Variants in DEF8 observed in about 807,000 individuals in gnomAD.
The protein encoded by DEF8 is DEF-8.
DEF8 carries 38 observed loss-of-function variants against 59.1 expected under a neutral mutation model. The ratio of observed to expected loss-of-function variants is 0.64; its 90% confidence interval spans 0.50 to 0.84. DEF8 has a LOEUF of 0.84. Among genes scored for constraint, DEF8 ranks in the 40% least tolerant of loss-of-function variants. The pLI is 0.00. For synonymous variants in DEF8, 265 were observed against 250.1 expected, an observed-to-expected ratio of 1.06 and a Z score of -0.56; for missense variants, 557 against 615.2, an observed-to-expected ratio of 0.91 and a Z score of 1.00.
intron 6 of DEF8, 106 bp from the exon 7 acceptor site, chr16:89,960,825 G>A (rs2033932517): frequency 1.7e-5 from 20 of 1,178,270 alleles, no homozygotes; most frequent in Non-Finnish European, 2.3e-5. Flanking sequence ...AGATTGATCT[G>A]GGCCTCAGAG....
chr16:89,964,022 G>T, intron 10 of DEF8, 148 bp from the exon 11 acceptor site: 1 of 1,077,466 alleles, frequency 9.3e-7, no homozygotes, highest in Non-Finnish European at 1.4e-6. Flanking sequence ...GGCTTCCTGG[G>T]GCTCCTGGAT....
At chr16:89,965,629 A>G (rs1008078359) in intron 12 of DEF8, among the ~76,000 whole-genome samples, 1 of 151,908 alleles carries the variant, frequency 6.6e-6, no homozygotes, top group Admixed American at 6.6e-5. Context: ...GTGAACTGGG[A>G]CCTGTGTGGT....
intron 6 of DEF8, 21 bp from the exon 7 acceptor site, chr16:89,960,909 AG>A: frequency 6.2e-7 from 1 of 1,604,170 alleles, no homozygotes; most frequent in South Asian, 1.1e-5. Flanking sequence ...GCTTTTGAGA[AG>A]TGTGTGTCCC....
At chr16:89,950,112 G>A (rs1457877930) in intron 2 of DEF8, 4 of 988,240 alleles carry the variant, frequency 4.0e-6, no homozygotes, top group East Asian at 2.3e-4. Context: ...TGGGCAGAAC[G>A]GAGGTGTCCC....
chr16:89,960,898 C>T (rs774011275), intron 6 of DEF8, 33 bp from the exon 7 acceptor site: 37 of 1,600,388 alleles, frequency 2.3e-5, no homozygotes, highest in African/African-American at 2.0e-4. Context: ...GCACCCTTCC[C>T]GCTTTTGAGA....
rs779883465 is a variant in DEF8, at chr16:89,954,215, A to C, written c.-10-28A>C. On this transcript the variant is annotated intron_variant, in intron 2 of 12. Transcript: ENST00000563594. The surrounding 1 kb of genome is among the most constrained non-coding windows in gnomAD (Gnocchi z 4.3). ...TCCGTGGTGAGCCTGGTACCTGGGG[A>C]CTCATCCTGGCCCTGCCTGGCCCTC... 1 of 1,606,474 alleles carries C rather than the reference A, an allele frequency of 6.2e-7. No individual in the cohort carries two copies. Among genetic ancestry groups the C allele is most frequent in the East Asian group, 2.2e-5 (1 of 44,848 alleles).
chr16:89,965,011 G>A (rs11645183), intron 12 of DEF8, among the ~76,000 whole-genome samples: 7,496 of 152,246 alleles, frequency 0.049, 324 homozygotes, highest in East Asian at 0.24. Context: ...TTCTAAGCCA[G>A]AAGAAATTCC....
At chr16:89,951,464 C>T (rs1204634965) in intron 2 of DEF8, among the ~76,000 whole-genome samples, 9 of 152,094 alleles carry the variant, frequency 5.9e-5, no homozygotes, top group African/African-American at 1.2e-4. Context: ...AGGCTGGTCT[C>T]GAACTGCTCA....
rs965628827 is a variant in DEF8 at position 89,949,267 on chromosome 16, C to A, written c.-107-150C>A. The A allele has an allele frequency of 6.2e-6, 4 of 642,246 alleles. No individual in the cohort carries two copies. The East Asian group carries it at 1.3e-4, about 21-fold the overall frequency. 39.8% of individuals were successfully genotyped at this position (642,246 alleles called of 1,614,324 possible). A position where few individuals can be genotyped will look rare whatever the true frequency, so the allele number is the denominator to read the frequency against. ...CTCAGGGGACCCGCGTGGCCGTGCC[C>A]CCGCCCTGGGCTGCTCCGAGCCTCA... On this transcript the variant is annotated intron_variant, in intron 1 of 12. Transcript: ENST00000563594.
chr16:89,952,267 G>C (rs959323521), intron 2 of DEF8, among the ~76,000 whole-genome samples: 3 of 152,186 alleles, frequency 2.0e-5, no homozygotes, highest in African/African-American at 7.2e-5. Context: ...CAGAGTGCTG[G>C]GATTATAGGT....
intron 10 of DEF8, chr16:89,963,892 G>A (rs759530167): frequency 2.4e-5 from 13 of 549,990 alleles, no homozygotes; most frequent in African/African-American, 3.8e-5. Flanking sequence ...GAAGGGTGGG[G>A]AATGTGGGAA....
chr16:89,949,219 C>A (rs2031464269), intron 1 of DEF8, among the ~76,000 whole-genome samples, 198 bp from the exon 2 acceptor site: 1 of 151,776 alleles, frequency 6.6e-6, no homozygotes. Context: ...TCCACACCAG[C>A]TGCGTGCGGA....
intron 9 of DEF8, 51 bp from the exon 10 acceptor site, chr16:89,963,312 C>A: frequency 6.5e-7 from 1 of 1,548,160 alleles, no homozygotes; most frequent in Non-Finnish European, 8.9e-7. Context: ...CACACAGGGG[C>A]CGCCCTGTGT....
intron 12 of DEF8, among the ~76,000 whole-genome samples, chr16:89,965,335 C>T (rs906849676): frequency 6.6e-6 from 1 of 152,186 alleles, no homozygotes; most frequent in African/African-American, 2.4e-5. Flanking sequence ...TTTTTCATAG[C>T]AACTGCTGAA....
At chr16:89,963,487 A>C (rs1162978131) in intron 10 of DEF8, 44 bp downstream of exon 10, 1 of 1,559,518 alleles carries the variant, frequency 6.4e-7, no homozygotes, top group Non-Finnish European at 8.8e-7. Context: ...AAGCGCAGCC[A>C]GGGTGGTGAG....
chr16:89,966,554 C>T lies in DEF8; in HGVS notation c.*591C>T, dbSNP rs2034615927. ...CTGTTCACAGTTGTCACCTGCAGAC[C>T]TGCCTCTCCCTGGCCTGAGGTTCAA... On this transcript the variant is annotated 3_prime_UTR_variant, in exon 13 of 13. Coordinates refer to ENST00000563594, the MANE Select transcript of DEF8 (RefSeq NM_001242818.2). 6.5e-6 allele frequency: 1 copy of T among 153,302 alleles called. No homozygotes were observed. Among genetic ancestry groups the T allele is most frequent in the African/African-American group, 2.4e-5 (1 of 41,472 alleles). The allele number at this position is 153,302 out of a possible 1,614,324, so 9.5% of individuals were successfully genotyped here.
In DEF8 at chr16:89,957,558, G is replaced by C. The variant is rs2033416500; in HGVS notation, c.270G>C (p.Glu90Asp). The change falls in exon 5 of 13, where the codon GAG (glutamate) becomes GAC (aspartate). Residue 90 changes from glutamate (E) to aspartate (D), a missense_variant. By Grantham distance (45) the Glu-to-Asp change is conservative. Transcript: ENST00000563594. ...TCCAGCAGCTGCGGCAGGCGATCGA[G>C]GAGTGCAAGCAGGTGATTCTGGAGC... ...SDVQQLRQAIEECKQVILELP... is the reference protein window; with the variant it reads ...SDVQQLRQAIDECKQVILELP... 1 of 1,593,054 alleles carries C rather than the reference G, an allele frequency of 6.3e-7. No homozygotes were observed. Among genetic ancestry groups the C allele is most frequent in the African/African-American group, 1.3e-5 (1 of 74,540 alleles).
intron 2 of DEF8, among the ~76,000 whole-genome samples, chr16:89,953,095 G>C (rs2032495753): frequency 6.6e-6 from 1 of 152,198 alleles, no homozygotes; most frequent in African/African-American, 2.4e-5. Flanking sequence ...AGCAGGTGTA[G>C]TGAAAGCATA....
intron 4 of DEF8, 94 bp downstream of exon 4, chr16:89,955,360 G>A: frequency 5.7e-6 from 6 of 1,056,422 alleles, no homozygotes; most frequent in Non-Finnish European, 8.7e-6. Flanking sequence ...CAGGTGGCAG[G>A]GCAGTGTCCT....
Sources: gnomAD v4.1 joint callset for allele counts (sites outside exome capture counted in the v4.1 genomes callset) on GRCh38, gnomAD v4.1.1 for gene constraint, Gnocchi (gnomAD v3.1) non-coding constraint, MANE v1.5 for transcripts, NCBI Gene and HGNC (gene_info 2026-07-23, HGNC 2026-07-21) for gene names.